Variants in FOXP1 observed in about 807,000 individuals in gnomAD.
FOXP1 encodes the protein forkhead box protein P1.
FOXP1 carries 15 observed loss-of-function variants against 98.2 expected under a neutral mutation model. The ratio of observed to expected loss-of-function variants is 0.15; its 90% CI spans 0.10 to 0.24. The LOEUF (loss-of-function observed/expected upper bound fraction) is 0.24. Ranked by LOEUF, FOXP1 falls within the 10% of genes least tolerant of loss-of-function variation. FOXP1 has a pLI of 1.00. For synonymous variants in FOXP1, 371 were observed against 314.5 expected, an observed-to-expected ratio of 1.18 and a Z score of -1.90; for missense variants, 633 against 848.5, an observed-to-expected ratio of 0.75 and a Z score of 3.15.
At chr3:71,430,728 A>C (rs548381296) in intron 3 of FOXP1, among the ~76,000 whole-genome samples, 1 of 152,338 alleles carries the variant, frequency 6.6e-6, no homozygotes, top group South Asian at 2.1e-4. Flanking sequence ...TAGGAAAATA[A>C]AGAGAGAAAG....
intron 8 of FOXP1, 147 bp downstream of exon 8, chr3:71,053,489 G>C: frequency 1.1e-6 from 1 of 871,904 alleles, no homozygotes. Context: ...GATTATTCAG[G>C]GAGTGGTCTG....
intron 6 of FOXP1, among the ~76,000 whole-genome samples, chr3:71,125,881 T>C (rs2059132670): frequency 6.6e-6 from 1 of 152,210 alleles, no homozygotes; most frequent in Admixed American, 6.5e-5. Context: ...AGCCCAATTC[T>C]ACCATTCGCT....
At chr3:71,180,586 T>C (rs933449010) in intron 6 of FOXP1, among the ~76,000 whole-genome samples, 1 of 152,196 alleles carries the variant, frequency 6.6e-6, no homozygotes, top group Non-Finnish European at 1.5e-5. Flanking sequence ...GGTAGATTTT[T>C]TTCTCCCTTG....
intron 6 of FOXP1, among the ~76,000 whole-genome samples, chr3:71,184,168 CAA>C (rs1385969774): frequency 1.3e-5 from 2 of 151,934 alleles, no homozygotes; most frequent in African/African-American, 4.8e-5. Flanking sequence ...AACAAACAAA[CAA>C]AAAAGCCCTT....
intron 5 of FOXP1, among the ~76,000 whole-genome samples, chr3:71,237,475 G>C (rs1478812258): frequency 1.3e-5 from 2 of 152,098 alleles, no homozygotes; most frequent in Non-Finnish European, 2.9e-5. Flanking sequence ...AGCTACCATA[G>C]CAGACAGTGC....
At chr3:71,445,689 CTT>C (rs112723777) in intron 3 of FOXP1, among the ~76,000 whole-genome samples, 108 of 142,202 alleles carry the variant, frequency 7.6e-4, no homozygotes, top group African/African-American at 2.3e-3. Context: ...ATATTTATAC[CTT>C]TTTTTTTTTT....
Position 71,220,609 on chromosome 3 carries a change from C to A in FOXP1, c.-11-22217G>T, listed in dbSNP as rs532655999. On this transcript the variant is annotated intron_variant, in intron 5 of 20. Coordinates refer to ENST00000649528, the MANE Select transcript of FOXP1 (RefSeq NM_001349338.3). ...TCAAAAATACAAAAAAAAAATTAGC[C>A]AGGTGTGGCAGTGCACGCCTGTAGT... is the stretch of plus-strand genomic sequence containing the variant. Among the ~76,000 whole-genome samples, 7 of 151,940 alleles carry A rather than the reference C, an allele frequency of 4.6e-5. No individual in the cohort carries two copies. In the South Asian group the frequency reaches 1.5e-3, roughly 32 times the overall value.
chr3:71,506,792 G>A (rs1184557072), intron 2 of FOXP1, among the ~76,000 whole-genome samples: 1 of 152,212 alleles, frequency 6.6e-6, no homozygotes, highest in Non-Finnish European at 1.5e-5. Flanking sequence ...GCAGGAAGCT[G>A]AACATCAGGG....
At chr3:71,383,062 T>C (rs2080298993) in intron 3 of FOXP1, among the ~76,000 whole-genome samples, 1 of 152,228 alleles carries the variant, frequency 6.6e-6, no homozygotes, top group Non-Finnish European at 1.5e-5. Context: ...GGAACATCAC[T>C]GTGAAAACTA....
intron 2 of FOXP1, among the ~76,000 whole-genome samples, chr3:71,555,405 ATC>A (rs983320084): frequency 6.6e-6 from 1 of 152,238 alleles, no homozygotes; most frequent in Non-Finnish European, 1.5e-5. Flanking sequence ...CCATATAAGC[ATC>A]TCACACACTA....
At chr3:71,264,805 A>G (rs2069485494) in intron 5 of FOXP1, among the ~76,000 whole-genome samples, 1 of 152,190 alleles carries the variant, frequency 6.6e-6, no homozygotes, top group Non-Finnish European at 1.5e-5. Flanking sequence ...TAACTGTAAC[A>G]TTTATTGAGT....
intron 6 of FOXP1, 105 bp downstream of exon 6, chr3:71,198,097 C>T: frequency 6.2e-7 from 1 of 1,613,976 alleles, no homozygotes; most frequent in Non-Finnish European, 8.5e-7. Flanking sequence ...GATGGACAGA[C>T]AGGTGAACAC....
intron 5 of FOXP1, among the ~76,000 whole-genome samples, chr3:71,246,275 G>A (rs906762231): frequency 6.6e-6 from 1 of 152,186 alleles, no homozygotes; most frequent in Admixed American, 6.5e-5. Flanking sequence ...AGGACGGGAG[G>A]ACAGGGACAG....
intron 7 of FOXP1, among the ~76,000 whole-genome samples, chr3:71,076,496 AG>A (rs1370179642): frequency 6.6e-6 from 1 of 152,200 alleles, no homozygotes; most frequent in African/African-American, 2.4e-5. Context: ...GGAGATGGGC[AG>A]GCAGGACCGG....
intron 4 of FOXP1, among the ~76,000 whole-genome samples, chr3:71,346,586 G>A (rs182642808): frequency 1.3e-3 from 198 of 152,206 alleles, no homozygotes; most frequent in Non-Finnish European, 2.5e-3. Context: ...GCACCTAATC[G>A]AGAAAGTTTC....
intron 2 of FOXP1, among the ~76,000 whole-genome samples, chr3:71,505,888 G>A (rs1458980275): frequency 1.3e-5 from 2 of 152,140 alleles, no homozygotes; most frequent in Admixed American, 6.5e-5. Context: ...ACTTCCGCCC[G>A]GAAGCCTCTC....
chr3:71,245,990 C>T (rs1222809770), intron 5 of FOXP1, among the ~76,000 whole-genome samples: 4 of 122,610 alleles, frequency 3.3e-5, no homozygotes, highest in Non-Finnish European at 6.7e-5. Context: ...TCACTTAGTA[C>T]GAAAACCACC....
intron 12 of FOXP1, among the ~76,000 whole-genome samples, chr3:71,009,246 G>C (rs753952687): frequency 2.1e-5 from 3 of 142,398 alleles, no homozygotes; most frequent in Admixed American, 1.5e-4. Context: ...CATAACCCTG[G>C]ATAGCTATGT....
chr3:71,251,583 G>T (rs1433386648), intron 5 of FOXP1, among the ~76,000 whole-genome samples: 1 of 152,166 alleles, frequency 6.6e-6, no homozygotes. Flanking sequence ...ACCATGTGTG[G>T]GGTGGGAAAC....
Sources: allele counts gnomAD v4.1 joint callset (sites outside exome capture counted in the v4.1 genomes callset), GRCh38; gene constraint gnomAD v4.1.1; transcripts MANE v1.5; gene names NCBI Gene and HGNC (gene_info 2026-07-23, HGNC 2026-07-21).